Variants in LMNTD1 observed in about 807,000 individuals in gnomAD.
The protein encoded by LMNTD1 is lamin tail domain containing 1, also known as lamin tail domain-containing protein 1.
LMNTD1 carries 35 observed loss-of-function variants against 50.9 expected under a neutral mutation model. The ratio of observed to expected loss-of-function variants is 0.69; its 90% confidence interval spans 0.53 to 0.91. The LOEUF is 0.91. Among genes scored for constraint, LMNTD1 ranks in the 40% least tolerant of loss-of-function variants. LMNTD1 has a pLI of 0.00. For missense variants in LMNTD1, 470 were observed against 475.5 expected, an observed-to-expected ratio of 0.99 and a Z score of 0.11; for synonymous variants, 153 against 161.9, an observed-to-expected ratio of 0.94 and a Z score of 0.42.
intron 4 of LMNTD1, among the ~76,000 whole-genome samples, chr12:25,533,311 A>T (rs977528197): frequency 6.6e-5 from 10 of 152,094 alleles, no homozygotes; most frequent in African/African-American, 2.2e-4. Flanking sequence ...ATAATTTGTG[A>T]TTGACTGAGA....
intron 1 of LMNTD1, among the ~76,000 whole-genome samples, chr12:25,614,891 C>T (rs80025771): frequency 0.014 from 2,088 of 152,300 alleles, 42 homozygotes; most frequent in Admixed American, 0.054. Flanking sequence ...TGGCCATCTT[C>T]TCCCTGTTTT....
chr12:25,563,265 T>C (rs915430107), intron 1 of LMNTD1, among the ~76,000 whole-genome samples: 2 of 152,250 alleles, frequency 1.3e-5, no homozygotes, highest in African/African-American at 4.8e-5. Flanking sequence ...TTTCTCCCTA[T>C]GTTTGTGGTT....
intron 1 of LMNTD1, among the ~76,000 whole-genome samples, chr12:25,646,002 G>A (rs1947062491): frequency 6.6e-6 from 1 of 152,066 alleles, no homozygotes; most frequent in African/African-American, 2.4e-5. Flanking sequence ...GGCCCTCATG[G>A]ATGAGGACAA....
At chr12:25,511,042 C>T (rs1940245255) in intron 8 of LMNTD1, among the ~76,000 whole-genome samples, 3 of 151,910 alleles carry the variant, frequency 2.0e-5, no homozygotes, top group South Asian at 2.1e-4. Context: ...ATAAGTGAAA[C>T]TTTAAGGATG....
At chr12:25,571,121 A>G (rs927598131) in intron 1 of LMNTD1, among the ~76,000 whole-genome samples, 2 of 152,190 alleles carry the variant, frequency 1.3e-5, no homozygotes, top group Non-Finnish European at 2.9e-5. Context: ...GGGTCCCGTA[A>G]ATTCTATAAC....
At chr12:25,633,921 G>C (rs2136604544) in intron 1 of LMNTD1, among the ~76,000 whole-genome samples, 1 of 152,200 alleles carries the variant, frequency 6.6e-6, no homozygotes, top group South Asian at 2.1e-4. Context: ...AAATAAAATT[G>C]ATAGACCATT....
chr12:25,614,526 A>G (rs182806570), intron 1 of LMNTD1, among the ~76,000 whole-genome samples: 114 of 152,268 alleles, frequency 7.5e-4, no homozygotes, highest in African/African-American at 2.6e-3. Context: ...ATACTATCAC[A>G]TGCAATAGAC....
chr12:25,604,918 A>G (rs1035925739), intron 1 of LMNTD1, among the ~76,000 whole-genome samples: 8 of 152,178 alleles, frequency 5.3e-5, no homozygotes, highest in Admixed American at 1.3e-4. Context: ...CTGAGGAATC[A>G]CCACACTGAC....
At chr12:25,608,732 C>T (rs1008875583) in intron 1 of LMNTD1, among the ~76,000 whole-genome samples, 6 of 151,836 alleles carry the variant, frequency 4.0e-5, no homozygotes, top group Non-Finnish European at 7.4e-5. Context: ...GAAACCCGAC[C>T]TTTCTCTGGC....
At chr12:25,596,779 C>T (rs942785295) in intron 1 of LMNTD1, among the ~76,000 whole-genome samples, 9 of 151,948 alleles carry the variant, frequency 5.9e-5, no homozygotes, top group South Asian at 2.1e-4. Context: ...ATTATAACAC[C>T]GTAACAGTGG....
intron 1 of LMNTD1, among the ~76,000 whole-genome samples, chr12:25,644,257 C>T (rs1250405647): frequency 7.4e-6 from 1 of 135,524 alleles, no homozygotes; most frequent in Admixed American, 9.0e-5. Flanking sequence ...AGGAGGATCA[C>T]TTGAGCCCAG....
At chr12:25,488,960 C>A (rs200565948) in intron 9 of LMNTD1, among the ~76,000 whole-genome samples, 3,969 of 152,268 alleles carry the variant, frequency 0.026, 196 homozygotes, top group East Asian at 0.19. Context: ...GGTCAGGGAC[C>A]CACTTGAGGA....
intron 1 of LMNTD1, among the ~76,000 whole-genome samples, chr12:25,589,858 T>C (rs1292360628): frequency 6.6e-6 from 1 of 151,074 alleles, no homozygotes; most frequent in Non-Finnish European, 1.5e-5. Context: ...TGTGAGTATC[T>C]GCATTCGCAG....
chr12:25,496,436 C>T (rs565991797), intron 9 of LMNTD1, among the ~76,000 whole-genome samples: 4 of 152,264 alleles, frequency 2.6e-5, no homozygotes, highest in South Asian at 2.1e-4. Context: ...ACAGTCTACA[C>T]GATTTGGCCA....
At chr12:25,557,253 C>G (rs1231812113), upstream of LMNTD1, 1 of 152,172 alleles carries the variant, frequency 6.6e-6, no homozygotes, top group Non-Finnish European at 1.5e-5. Flanking sequence ...AAGTTAGAGT[C>G]ACATTAAGCT....
chr12:25,556,236 G>A (rs1944038276), upstream of LMNTD1, among the ~76,000 whole-genome samples: 2 of 152,154 alleles, frequency 1.3e-5, no homozygotes, highest in South Asian at 2.1e-4. Flanking sequence ...GCTTCCCAAA[G>A]TGTTGGGATT....
At chr12:25,622,848 C>G (rs974440951) in intron 1 of LMNTD1, among the ~76,000 whole-genome samples, 13 of 146,506 alleles carry the variant, frequency 8.9e-5, no homozygotes, top group African/African-American at 3.3e-4. Flanking sequence ...CTGATGTCCA[C>G]ACACTAAGTT....
At chr12:25,509,660 C>G (rs947244551) in intron 8 of LMNTD1, among the ~76,000 whole-genome samples, 1 of 152,038 alleles carries the variant, frequency 6.6e-6, no homozygotes, top group East Asian at 1.9e-4. Flanking sequence ...ATAGGGTATT[C>G]GGAGATGTAA....
chr12:25,571,564 T>C (rs1432243534), intron 1 of LMNTD1, among the ~76,000 whole-genome samples: 1 of 152,064 alleles, frequency 6.6e-6, no homozygotes, highest in Non-Finnish European at 1.5e-5. Context: ...AGGGTTTCAC[T>C]GTGTTAGCCA....
Sources: allele counts gnomAD v4.1 joint callset (sites outside exome capture counted in the v4.1 genomes callset), GRCh38; gene constraint gnomAD v4.1.1; transcripts MANE v1.5; gene names NCBI Gene and HGNC (gene_info 2026-07-23, HGNC 2026-07-21).